The following TET1 variants were observed in gnomAD, a reference collection of about 807,000 sequenced individuals.
TET1 encodes methylcytosine dioxygenase TET1.
Under a neutral mutation model 148.7 loss-of-function variants are expected in TET1, and 13 were observed. That is an observed-to-expected ratio of 0.09 (90% confidence interval 0.06 to 0.14). TET1 has a LOEUF of 0.14. Ranked by LOEUF, TET1 falls within the 10% of genes least tolerant of loss-of-function variation. The pLI is 1.00. For synonymous variants in TET1, 907 were observed against 937.2 expected (o/e 0.97, Z 0.59); for missense variants, 2,182 against 2,553.8 (o/e 0.85, Z 3.14).
intron 4 of TET1, among the ~76,000 whole-genome samples, chr10:68,647,908 G>A (rs1239609344): frequency 6.6e-6 from 1 of 152,028 alleles, no homozygotes; most frequent in Non-Finnish European, 1.5e-5. Context: ...TTGATATTCT[G>A]GAATAATATA....
In TET1 at chr10:68,617,006, C is replaced by CTTTTTTTT. The variant is rs71019039; in HGVS notation, c.1968+16003_1968+16010dup. 2.3e-4 allele frequency among the ~76,000 whole-genome samples: 9 copies of CTTTTTTTT among 39,614 alleles called. 1 individual carries two copies. Among genetic ancestry groups the CTTTTTTTT allele is most frequent in the Non-Finnish European group, 3.2e-4 (7 of 22,018 alleles). The allele number at this position is 39,614 out of a possible 152,430, so 26.0% of individuals were successfully genotyped here. ...ACAGGCATGAGCCACCGCGCCTGGC[C>CTTTTTTTT]TTTTTTTTTTTTTTTTTTTTTTTTT... On this transcript the variant is annotated intron_variant, in intron 3 of 11. Transcript: ENST00000373644.
At chr10:68,662,359 A>G (rs1282760119) in intron 6 of TET1, among the ~76,000 whole-genome samples, 1 of 152,154 alleles carries the variant, frequency 6.6e-6, no homozygotes, top group East Asian at 1.9e-4. Context: ...TAAGAGTGAT[A>G]ATTTTTGTCA....
At chr10:68,652,778 T>C (rs1268122792) in intron 6 of TET1, among the ~76,000 whole-genome samples, 184 bp downstream of exon 6, 1 of 151,300 alleles carries the variant, frequency 6.6e-6, no homozygotes, top group Non-Finnish European at 1.5e-5. Context: ...AGCCTTGATC[T>C]CCCAGGCTCA....
chr10:68,587,102 G>A (rs1389975310), intron 2 of TET1, among the ~76,000 whole-genome samples: 2 of 152,192 alleles, frequency 1.3e-5, no homozygotes, highest in African/African-American at 4.8e-5. Flanking sequence ...CAGAATTATA[G>A]TTGTGGTTTC....
rs111882348 is a variant in TET1 at position 68,669,597 on chromosome 10, G to A, written c.4673+2341G>A. 9.8e-3 allele frequency among the ~76,000 whole-genome samples: 1,466 copies of A among 149,236 alleles called. 27 individuals are homozygous for A. The highest frequency in any genetic ancestry group is 0.035 in the African/African-American group (1,401 of 40,466). On this transcript the variant is annotated intron_variant, in intron 7 of 11. Transcript: ENST00000373644. ...TCTTGATCTCCTGACCTCGTGATTC[G>A]CCCACCTCGGCCTCCCAAAGTGCTG...
intron 2 of TET1, among the ~76,000 whole-genome samples, chr10:68,584,165 G>A (rs142082144): frequency 0.3 from 44,358 of 150,334 alleles, 7,713 homozygotes; most frequent in Middle Eastern, 0.43. Context: ...TCAGCCTCCC[G>A]AGTAGCTGGG....
chr10:68,650,536 C>CA lies in TET1; in HGVS notation c.4277-1309dup, dbSNP rs1426755772. 2.7e-5 allele frequency among the ~76,000 whole-genome samples: 4 copies of CA among 150,316 alleles called. No individual in the cohort carries two copies. The Admixed American group carries it at 2.7e-4, about 10-fold the overall frequency. ...ATCCCAGCTACTTGGGAGGCTGAGA[C>CA]AGGAGAATCGCTTGAACCCAGGAGG... On this transcript the variant is annotated intron_variant, in intron 4 of 11. Coordinates refer to ENST00000373644, the MANE Select transcript of TET1 (RefSeq NM_030625.3).
intron 2 of TET1, among the ~76,000 whole-genome samples, chr10:68,576,719 T>C (rs1297547301): frequency 6.6e-6 from 1 of 152,110 alleles, no homozygotes; most frequent in East Asian, 1.9e-4. Flanking sequence ...AAACTGTTTC[T>C]ATTTCTTTTT....
chr10:68,653,317 G>C (rs2054968274), intron 6 of TET1, among the ~76,000 whole-genome samples: 1 of 152,090 alleles, frequency 6.6e-6, no homozygotes, highest in Non-Finnish European at 1.5e-5. Flanking sequence ...TTATATGTGA[G>C]AATTCCCTAT....
chr10:68,647,645 A>C (rs901657864), intron 4 of TET1, among the ~76,000 whole-genome samples: 13 of 152,152 alleles, frequency 8.5e-5, no homozygotes, highest in Non-Finnish European at 1.8e-4. Flanking sequence ...AGTTTATTAC[A>C]GTTTGTTTAT....
intron 3 of TET1, among the ~76,000 whole-genome samples, chr10:68,610,257 T>G (rs2054187689): frequency 6.6e-6 from 1 of 151,938 alleles, no homozygotes; most frequent in Admixed American, 6.6e-5. Flanking sequence ...CACTCCAGCC[T>G]GGGTGACAGT....
At chr10:68,648,380 T>C (rs993726150) in intron 4 of TET1, among the ~76,000 whole-genome samples, 1 of 152,156 alleles carries the variant, frequency 6.6e-6, no homozygotes, top group Non-Finnish European at 1.5e-5. Flanking sequence ...AATATAGCTG[T>C]AAAAAAATAG....
rs1424787574 is a variant in TET1, at chr10:68,645,471, G to A, written c.2742G>A (p.Glu914=). 8.1e-6 allele frequency: 13 copies of A among 1,613,718 alleles called. No homozygotes were observed. Among genetic ancestry groups the A allele is most frequent in the Non-Finnish European group, 1.1e-5 (13 of 1,180,046 alleles). ...AGAATTCCTCCCCATCAAAGTCAGA[G>A]AAGGATGAGGAATCAGAGCAGAGAA... ...PSENSSPSKS[E]KDEESEQRTA... is the part of the protein sequence containing the mutation. The change falls in exon 4 of 12, where the codon GAG becomes GAA. Residue 914 remains glutamate, a synonymous_variant. Coordinates refer to ENST00000373644, the MANE Select transcript of TET1 (RefSeq NM_030625.3).
At chr10:68,656,189 T>G (rs1399677161) in intron 6 of TET1, among the ~76,000 whole-genome samples, 1 of 152,070 alleles carries the variant, frequency 6.6e-6, no homozygotes, top group Non-Finnish European at 1.5e-5. Context: ...GTAATAATAA[T>G]AGAAATAAAG....
intron 7 of TET1, among the ~76,000 whole-genome samples, chr10:68,669,330 A>T (rs2055237637): frequency 6.6e-6 from 1 of 151,396 alleles, no homozygotes; most frequent in Admixed American, 6.6e-5. Context: ...TTTCTTTTTG[A>T]GACAGAGTCT....
At position 68,573,515 on chromosome 10, in the gene TET1, C is replaced by G. The variant is rs2053694099; in HGVS notation, c.1177C>G (p.Pro393Ala). The G allele has an allele frequency of 6.2e-7, 1 of 1,614,178 alleles. No homozygotes were observed. Residue 393 changes from proline (P) to alanine (A), a missense_variant, in exon 2 of 12, where the codon CCA becomes GCA. By Grantham distance (27) the Pro-to-Ala change is conservative. Coordinates refer to ENST00000373644, the MANE Select transcript of TET1 (RefSeq NM_030625.3). ...PVHGEALGETPDLPEIPGAIP... is the reference protein window; with the variant it reads ...PVHGEALGETADLPEIPGAIP... ...TCATGGTGAGGCCCTGGGTGAGACC[C>G]CAGATCTACCAGAGATTCCTGGTGC...
chr10:68,586,020 ATT>A (rs758072470), intron 2 of TET1, among the ~76,000 whole-genome samples: 6 of 137,020 alleles, frequency 4.4e-5, no homozygotes, highest in African/African-American at 1.7e-4. Context: ...AAAAAAAAAA[ATT>A]TTTTTTTGAG....
chr10:68,595,600 C>T (rs1459625883), intron 2 of TET1, among the ~76,000 whole-genome samples: 2 of 132,618 alleles, frequency 1.5e-5, no homozygotes, highest in Non-Finnish European at 3.3e-5. Context: ...AACACACACA[C>T]ACACACAGCT....
intron 2 of TET1, among the ~76,000 whole-genome samples, chr10:68,597,265 C>T (rs2054000067): frequency 6.6e-6 from 1 of 152,058 alleles, no homozygotes; most frequent in African/African-American, 2.4e-5. Flanking sequence ...AACTCCTGAC[C>T]TGAAGTGATC....
Sources: gnomAD v4.1 joint callset for allele counts (sites outside exome capture counted in the v4.1 genomes callset) on GRCh38, gnomAD v4.1.1 for gene constraint, MANE v1.5 for transcripts, NCBI Gene and HGNC (gene_info 2026-07-23, HGNC 2026-07-21) for gene names.